Variants in CDKL3 observed in about 807,000 individuals in gnomAD.
CDKL3 encodes cyclin dependent kinase like 3.
Under a neutral mutation model 69.3 loss-of-function variants are expected in CDKL3, and 65 were observed. The ratio of observed to expected loss-of-function variants is 0.94; its 90% CI spans 0.77 to 1.15. The LOEUF (loss-of-function observed/expected upper bound fraction) is 1.15, where lower values mean the gene tolerates loss of function less well. CDKL3 is among the 50% of genes most tolerant of loss of function. CDKL3 has a pLI of 0.00. For synonymous variants in CDKL3, 202 were observed against 221.6 expected, an observed-to-expected ratio of 0.91 and a Z score of 0.79; for missense variants, 652 against 689.2, an observed-to-expected ratio of 0.95 and a Z score of 0.61.
chr5:134,339,952 G>T (rs1328911321), intron 4 of CDKL3, among the ~76,000 whole-genome samples: 1 of 152,002 alleles, frequency 6.6e-6, no homozygotes, highest in Non-Finnish European at 1.5e-5. Context: ...AGGAGTTTGA[G>T]ACCAGCCTGG....
chr5:134,326,616 C>T (rs1350407278), intron 4 of CDKL3, among the ~76,000 whole-genome samples: 2 of 151,486 alleles, frequency 1.3e-5, no homozygotes, highest in African/African-American at 4.9e-5. Context: ...CTGACTTACT[C>T]TCTTATTAGT....
At chr5:134,303,919 CT>C (rs1237839154) in intron 11 of CDKL3, among the ~76,000 whole-genome samples, 2 of 150,102 alleles carry the variant, frequency 1.3e-5, no homozygotes, top group Admixed American at 6.7e-5. Context: ...CTTTATTTTT[CT>C]TTTTAATTAA....
intron 3 of CDKL3, 119 bp downstream of exon 3, chr5:134,359,778 T>A: frequency 2.8e-6 from 2 of 725,348 alleles, no homozygotes; most frequent in East Asian, 5.9e-5. Context: ...ATTTTCAGGA[T>A]GTCTATTATT....
Position 134,322,071 on chromosome 5 carries a change from G to C in CDKL3, c.540-168C>G, listed in dbSNP as rs544829960. 9.9e-5 allele frequency among the ~76,000 whole-genome samples: 15 copies of C among 152,264 alleles called. No individual in the cohort carries two copies. The South Asian group carries it at 3.1e-3, about 32-fold the overall frequency. On this transcript the variant is annotated intron_variant, in intron 4 of 12. Coordinates refer to ENST00000265334, the MANE Select transcript of CDKL3 (RefSeq NM_001113575.2). ...GTCTTGCTCTGTCACCCAGGCTGGA[G>C]TGCAAGTGCTGCAATCTCAGCTCAC... is the stretch of plus-strand genomic sequence containing the variant.
upstream of CDKL3, among the ~76,000 whole-genome samples, chr5:134,368,290 T>C (rs774883596): frequency 4.6e-5 from 7 of 152,240 alleles, no homozygotes; most frequent in Admixed American, 6.5e-5. Flanking sequence ...ATCGTTTTCA[T>C]TGATCACCTA....
upstream of CDKL3, among the ~76,000 whole-genome samples, chr5:134,367,594 G>C (rs1306606071): frequency 1.3e-5 from 2 of 151,652 alleles, no homozygotes; most frequent in Non-Finnish European, 2.9e-5. Context: ...GGCTGGTCTC[G>C]AACTCCCAAC....
chr5:134,348,235 T>C (rs1434330809), intron 4 of CDKL3, among the ~76,000 whole-genome samples: 1 of 152,100 alleles, frequency 6.6e-6, no homozygotes, highest in African/African-American at 2.4e-5. Context: ...TTTTAAAAAA[T>C]GCAAGGAAAT....
At chr5:134,291,532 A>G (rs1765123485) in intron 8 of CDKL3, among the ~76,000 whole-genome samples, 1 of 152,240 alleles carries the variant, frequency 6.6e-6, no homozygotes, top group Admixed American at 6.5e-5. Context: ...GCACTCTGGG[A>G]GGCTGAGGCA....
intron 4 of CDKL3, among the ~76,000 whole-genome samples, chr5:134,326,909 A>C (rs975746285): frequency 6.7e-6 from 1 of 148,284 alleles, no homozygotes; most frequent in Non-Finnish European, 1.5e-5. Flanking sequence ...GCTAAGCATA[A>C]AATGAAGATT....
At chr5:134,327,832 G>A (rs1561566164) in intron 4 of CDKL3, among the ~76,000 whole-genome samples, 1 of 152,130 alleles carries the variant, frequency 6.6e-6, no homozygotes, top group Non-Finnish European at 1.5e-5. Context: ...GAGTAGCCAG[G>A]GAAAGAAAGG....
chr5:134,317,297 G>C (rs149554770), intron 6 of CDKL3, among the ~76,000 whole-genome samples: 4 of 151,782 alleles, frequency 2.6e-5, no homozygotes, highest in African/African-American at 9.7e-5. Flanking sequence ...CACCACGCCC[G>C]GCTAATTTTT....
intron 2 of CDKL3, 100 bp from the exon 3 acceptor site, chr5:134,360,191 C>T (rs1403201718): frequency 9.6e-6 from 8 of 832,128 alleles, no homozygotes; most frequent in Non-Finnish European, 1.5e-5. Context: ...ATATTCTTAG[C>T]TTTGTTCCAT....
At chr5:134,308,781 A>G in intron 7 of CDKL3, 54 bp from the exon 8 acceptor site, 1 of 1,421,164 alleles carries the variant, frequency 7.0e-7, no homozygotes, top group Non-Finnish European at 9.4e-7. Flanking sequence ...CAGATGGAGT[A>G]TTTTATCTTG....
At chr5:134,354,371 T>C (rs1754051289) in intron 3 of CDKL3, among the ~76,000 whole-genome samples, 1 of 152,156 alleles carries the variant, frequency 6.6e-6, no homozygotes. Flanking sequence ...AGTAGAAATG[T>C]CTCAGTGACA....
chr5:134,308,369 T>A lies in CDKL3; in HGVS notation c.1133A>T (p.Tyr378Phe). The A allele has an allele frequency of 6.2e-7, 1 of 1,613,902 alleles. No homozygotes were observed. Among genetic ancestry groups the A allele is most frequent in the East Asian group, 2.2e-5 (1 of 44,876 alleles). Residue 378 changes from tyrosine to phenylalanine, a missense_variant, in exon 9 of 13, where the codon TAT becomes TTT. By Grantham distance (22) the Tyr-to-Phe change is conservative (BLOSUM62 3). Transcript: ENST00000265334. The part of the protein sequence containing the change: ...GDISEPKKKE[Y>F]EGGLGQQDAN... Reference sequence around the variant, plus strand: ...ATCCTGTTGACCAAGTCCACCTTCATACTCTTTCTTTTTTGGTTCTGAGAT... The same window carrying A: ...ATCCTGTTGACCAAGTCCACCTTCAAACTCTTTCTTTTTTGGTTCTGAGAT...
Position 134,304,428 on chromosome 5 carries a change from G to T in CDKL3, c.1598C>A (p.Ser533Ter). The change falls in exon 11 of 13, where the codon TCA (serine) becomes TAA (stop). Residue 533 changes from serine to a stop codon, truncating the protein, a stop_gained. Transcript: ENST00000265334. LOFTEE classifies it high-confidence loss of function. ...ACCTTCCATTCCTTTTGTATCTTTT[G>T]ACTGTATTGTGACAGGCAATTCTGG... ...HFPELPVTIQ[S>*]KDTKGMEVKQ... 1 of 1,611,264 alleles carries T rather than the reference G, an allele frequency of 6.2e-7. No homozygotes were observed.
chr5:134,336,879 G>A (rs972665954), intron 4 of CDKL3, among the ~76,000 whole-genome samples: 5 of 152,214 alleles, frequency 3.3e-5, no homozygotes, highest in Admixed American at 6.5e-5. Flanking sequence ...AGGCAGGGAC[G>A]TTTAAGTCTG....
At chr5:134,345,073 T>A (rs893055100) in intron 4 of CDKL3, among the ~76,000 whole-genome samples, 4 of 151,236 alleles carry the variant, frequency 2.6e-5, no homozygotes, top group Non-Finnish European at 5.9e-5. Context: ...TCAAAAAAAA[T>A]AAAATAAATA....
intron 4 of CDKL3, among the ~76,000 whole-genome samples, chr5:134,323,284 A>G (rs531664153): frequency 6.6e-6 from 1 of 152,320 alleles, no homozygotes; most frequent in South Asian, 2.1e-4. Flanking sequence ...ACGTATATAT[A>G]TACCTCAAAA....
Sources: gnomAD v4.1 joint callset for allele counts (sites outside exome capture counted in the v4.1 genomes callset) on GRCh38, gnomAD v4.1.1 for gene constraint, MANE v1.5 for transcripts, NCBI Gene and HGNC (gene_info 2026-07-23, HGNC 2026-07-21) for gene names.